RIT2: variants seen among roughly 807,000 people sequenced by gnomAD.
The protein encoded by RIT2 is GTP-binding protein Rit2.
Under a neutral mutation model 23.7 loss-of-function variants are expected in RIT2, and 24 were observed. That is an observed-to-expected ratio of 1.01 (90% CI 0.73 to 1.43). The LOEUF (loss-of-function observed/expected upper bound fraction) is 1.43. RIT2 is among the 40% of genes most tolerant of loss of function. The pLI, the probability that RIT2 is intolerant of heterozygous loss-of-function variation, is 0.00. For synonymous variants in RIT2, 107 were observed against 91.1 expected (o/e 1.17, Z -0.99); for missense variants, 236 against 266.9 (o/e 0.88, Z 0.81).
intron 4 of RIT2, among the ~76,000 whole-genome samples, chr18:42,746,189 A>G (rs537041124): frequency 6.6e-6 from 1 of 152,232 alleles, no homozygotes; most frequent in South Asian, 2.1e-4. Flanking sequence ...CTATATCCCA[A>G]ATGACACATG....
intron 2 of RIT2, among the ~76,000 whole-genome samples, chr18:43,009,016 C>T (rs1368891445): frequency 6.6e-6 from 1 of 151,510 alleles, no homozygotes; most frequent in Non-Finnish European, 1.5e-5. Context: ...ACACAAAGAA[C>T]TATATCCTTA....
chr18:42,870,812 T>C (rs1907603261), intron 4 of RIT2, among the ~76,000 whole-genome samples: 1 of 152,156 alleles, frequency 6.6e-6, no homozygotes. Flanking sequence ...AGAATAGAAG[T>C]TTAGCCTTAA....
chr18:42,756,011 A>C (rs1913154812), intron 4 of RIT2, among the ~76,000 whole-genome samples: 1 of 152,076 alleles, frequency 6.6e-6, no homozygotes, highest in Non-Finnish European at 1.5e-5. Context: ...GTCTCGGTAA[A>C]GGGACTAAGA....
At chr18:43,094,123 G>GTTTTTTTTTTTTTT (rs376144367) in intron 1 of RIT2, among the ~76,000 whole-genome samples, 1 of 116,070 alleles carries the variant, frequency 8.6e-6, no homozygotes, top group Non-Finnish European at 1.7e-5. Context: ...GGTTTTTTTT[G>GTTTTTTTTTTTTTT]TTTTTTTTTT....
intron 3 of RIT2, among the ~76,000 whole-genome samples, 160 bp downstream of exon 3, chr18:42,973,914 T>C (rs1910419686): frequency 6.6e-6 from 1 of 151,962 alleles, no homozygotes; most frequent in Non-Finnish European, 1.5e-5. Flanking sequence ...AATATTCTGG[T>C]TGGTAATTTT....
At chr18:42,898,123 C>T (rs193280054) in intron 4 of RIT2, among the ~76,000 whole-genome samples, 100 of 152,186 alleles carry the variant, frequency 6.6e-4, no homozygotes, top group Admixed American at 1.8e-3. Flanking sequence ...TGTGGGCGGC[C>T]GGGCACAATG....
intron 4 of RIT2, among the ~76,000 whole-genome samples, chr18:42,749,447 G>T (rs943760327): frequency 1.3e-5 from 2 of 151,306 alleles, no homozygotes; most frequent in African/African-American, 4.8e-5. Flanking sequence ...TTTAAAGAAA[G>T]CAAAAACAAG....
chr18:42,811,815 T>C (rs1201949161), intron 4 of RIT2, among the ~76,000 whole-genome samples: 1 of 151,938 alleles, frequency 6.6e-6, no homozygotes, highest in East Asian at 1.9e-4. Context: ...AAAGAACATA[T>C]ATAAAATGAT....
chr18:42,923,563 G>A lies in RIT2; in HGVS notation c.426+9C>T, dbSNP rs77017532. ...AAGACAGAAGCTACCAGATAAAATC[G>A]GCACTCACCTGGCGGAACTGTTCCA... is the stretch of plus-strand genomic sequence containing the variant. On this transcript the variant is annotated intron_variant, in intron 4 of 4. Coordinates refer to ENST00000326695, the MANE Select transcript of RIT2 (RefSeq NM_002930.4). 2,700 of 1,609,644 alleles carry A rather than the reference G, an allele frequency of 1.7e-3. 47 individuals carry two copies. In the African/African-American group the frequency reaches 0.032, roughly 19 times the overall value.
chr18:42,763,166 T>A (rs909259100), intron 4 of RIT2, among the ~76,000 whole-genome samples: 8 of 152,214 alleles, frequency 5.3e-5, no homozygotes, highest in African/African-American at 1.9e-4. Context: ...TATAAAAGAT[T>A]AAAAATGGTA....
intron 1 of RIT2, among the ~76,000 whole-genome samples, chr18:43,035,438 G>A (rs758704570): frequency 2.0e-5 from 3 of 152,096 alleles, no homozygotes; most frequent in Non-Finnish European, 2.9e-5. Flanking sequence ...TTTTAAAATG[G>A]CAGTTGCCTC....
intron 2 of RIT2, among the ~76,000 whole-genome samples, chr18:43,020,875 C>G (rs942132450): frequency 6.6e-6 from 1 of 152,058 alleles, no homozygotes; most frequent in Non-Finnish European, 1.5e-5. Flanking sequence ...AATGGATTCA[C>G]GACCTGTTTG....
intron 1 of RIT2, among the ~76,000 whole-genome samples, chr18:43,099,746 T>A (rs1913639527): frequency 1.3e-5 from 2 of 152,116 alleles, no homozygotes; most frequent in Non-Finnish European, 2.9e-5. Context: ...TTGCAGGGTT[T>A]TTTTCTGACA....
intron 2 of RIT2, among the ~76,000 whole-genome samples, chr18:43,025,460 A>G (rs1251160326): frequency 6.6e-6 from 1 of 152,090 alleles, no homozygotes; most frequent in Non-Finnish European, 1.5e-5. Context: ...AAATCATCAT[A>G]GCAAAAAGGT....
chr18:42,866,338 A>G (rs1316528511), intron 4 of RIT2, among the ~76,000 whole-genome samples: 1 of 152,224 alleles, frequency 6.6e-6, no homozygotes, highest in East Asian at 1.9e-4. Context: ...TGTAAAAGAA[A>G]TGAAAATATA....
intron 4 of RIT2, among the ~76,000 whole-genome samples, chr18:42,882,849 A>T (rs1019863741): frequency 1.1e-4 from 17 of 152,190 alleles, no homozygotes; most frequent in African/African-American, 4.1e-4. Context: ...TAGTTCTAGT[A>T]AACTATGAAA....
At chr18:42,903,800 A>G (rs1908541851) in intron 4 of RIT2, among the ~76,000 whole-genome samples, 1 of 152,162 alleles carries the variant, frequency 6.6e-6, no homozygotes, top group South Asian at 2.1e-4. Flanking sequence ...AATGGACAGG[A>G]AGAATCCAAC....
intron 4 of RIT2, among the ~76,000 whole-genome samples, chr18:42,871,089 C>T (rs1244897761): frequency 1.3e-5 from 2 of 152,182 alleles, no homozygotes. Context: ...CAACAGCTAA[C>T]TCATGTTGAG....
chr18:42,923,577 G>C lies in RIT2; in HGVS notation c.421C>G (p.Arg141Gly). 6.2e-7 allele frequency: 1 copy of C among 1,612,598 alleles called. No individual in the cohort carries two copies. The highest frequency in any genetic ancestry group is 8.5e-7 in the Non-Finnish European group (1 of 1,179,094). ...CAGATAAAATCGGCACTCACCTGGC[G>C]GAACTGTTCCAGATCAATTTTGTTA... ...VGNKIDLEQF[R>G]QVSTEEGLSL... is the part of the protein sequence containing the mutation. The change falls in exon 4 of 5, where the codon CGC becomes GGC. Residue 141 changes from arginine to glycine, a missense_variant. By Grantham distance (125) the Arg-to-Gly change is moderately radical. Coordinates refer to ENST00000326695, the MANE Select transcript of RIT2 (RefSeq NM_002930.4).
Sources: gnomAD v4.1 joint callset for allele counts (sites outside exome capture counted in the v4.1 genomes callset) on GRCh38, gnomAD v4.1.1 for gene constraint, MANE v1.5 for transcripts, NCBI Gene and HGNC (gene_info 2026-07-23, HGNC 2026-07-21) for gene names.